IL1RAPL2: variants seen among roughly 807,000 people sequenced by gnomAD.
IL1RAPL2 encodes the protein interleukin 1 receptor accessory protein like 2, also known as X-linked interleukin-1 receptor accessory protein-like 2.
Under a neutral mutation model 44.1 loss-of-function variants are expected in IL1RAPL2, and 3 were observed. That is an observed-to-expected ratio of 0.07 (90% confidence interval 0.03 to 0.18). IL1RAPL2 has a LOEUF of 0.18. IL1RAPL2 is among the 10% of genes least tolerant of loss of function. The pLI is 1.00. For synonymous variants in IL1RAPL2, 181 were observed against 178.8 expected (o/e 1.01, Z -0.10); for missense variants, 391 against 496.4 (o/e 0.79, Z 2.02).
At chrX:104,716,024 G>A (rs1372567874) in intron 2 of IL1RAPL2, among the ~76,000 whole-genome samples, 1 of 111,211 alleles carries the variant, frequency 9.0e-6, no homozygotes, top group Non-Finnish European at 1.9e-5. Context: ...CACACTAGCC[G>A]ACTTCAAACT....
At chrX:104,761,570 A>G (rs1932428227) in intron 2 of IL1RAPL2, among the ~76,000 whole-genome samples, 1 of 111,207 alleles carries the variant, frequency 9.0e-6, no homozygotes, top group Non-Finnish European at 1.9e-5. Context: ...CCAAAGTCTT[A>G]ACTCATTCCA....
At chrX:104,613,152 G>C (rs745847917) in intron 1 of IL1RAPL2, among the ~76,000 whole-genome samples, 1 of 111,736 alleles carries the variant, frequency 8.9e-6, no homozygotes, top group Non-Finnish European at 1.9e-5. Flanking sequence ...TTCCAAGCTG[G>C]ATGTCTTTTA....
At chrX:104,620,462 A>C (rs960160948) in intron 1 of IL1RAPL2, among the ~76,000 whole-genome samples, 1 of 107,020 alleles carries the variant, frequency 9.3e-6, no homozygotes, top group Non-Finnish European at 1.9e-5. Context: ...ACATGGTGAA[A>C]ACCCGTCTCT....
At chrX:105,148,322 C>T (rs772398079) in intron 2 of IL1RAPL2, among the ~76,000 whole-genome samples, 59 of 111,258 alleles carry the variant, frequency 5.3e-4, no homozygotes, top group African/African-American at 1.9e-3. Context: ...AGTGTAATGT[C>T]GTAACTTTCA....
At chrX:105,309,496 C>T (rs1429652990) in intron 5 of IL1RAPL2, among the ~76,000 whole-genome samples, 1 of 108,114 alleles carries the variant, frequency 9.2e-6, no homozygotes, top group Non-Finnish European at 1.9e-5. Flanking sequence ...CTTTGGGAGG[C>T]CAAGGTGGGC....
At chrX:105,314,016 A>G (rs2034817987) in intron 5 of IL1RAPL2, among the ~76,000 whole-genome samples, 1 of 112,194 alleles carries the variant, frequency 8.9e-6, no homozygotes, top group Non-Finnish European at 1.9e-5. Context: ...CAAGTAAATT[A>G]TAATCAAAAT....
At chrX:104,892,179 C>A (rs1163043057) in intron 2 of IL1RAPL2, among the ~76,000 whole-genome samples, 1 of 111,586 alleles carries the variant, frequency 9.0e-6, no homozygotes, top group Non-Finnish European at 1.9e-5. Flanking sequence ...TTTTGATGTG[C>A]TGCTGGATTC....
At chrX:104,862,717 AT>A (rs1292178007) in intron 2 of IL1RAPL2, among the ~76,000 whole-genome samples, 1 of 112,210 alleles carries the variant, frequency 8.9e-6, no homozygotes, top group Non-Finnish European at 1.9e-5. Flanking sequence ...TCCAAACTTT[AT>A]AAATGTTACC....
intron 2 of IL1RAPL2, among the ~76,000 whole-genome samples, chrX:104,736,094 T>C (rs1029895483): frequency 6.3e-5 from 7 of 111,246 alleles, no homozygotes; most frequent in Non-Finnish European, 1.3e-4. Context: ...TGCCCTAACT[T>C]CTCTTCCACA....
chrX:105,370,119 C>T (rs1194714494), intron 5 of IL1RAPL2, among the ~76,000 whole-genome samples: 2 of 112,067 alleles, frequency 1.8e-5, no homozygotes, highest in Non-Finnish European at 3.8e-5. Context: ...TCCCTATTTT[C>T]TTACACCTTG....
chrX:104,666,529 G>A (rs1191776084), intron 2 of IL1RAPL2, among the ~76,000 whole-genome samples: 1 of 111,917 alleles, frequency 8.9e-6, no homozygotes, highest in African/African-American at 3.2e-5. Flanking sequence ...TATTAATTTT[G>A]ATATTGGGAT....
Position 105,365,940 on chromosome X carries a change from C to A in IL1RAPL2, c.697+98399C>A, listed in dbSNP as rs567017293. On this transcript the variant is annotated intron_variant, in intron 5 of 10. Coordinates refer to ENST00000372582, the MANE Select transcript of IL1RAPL2 (RefSeq NM_017416.2). ...TACAGGTGCACACCACCAGACCTGG[C>A]TAATTTCTTTCTTTTTTTTTTTTTG... is the stretch of plus-strand genomic sequence containing the variant. Among the ~76,000 whole-genome samples the A allele has an allele frequency of 4.1e-4, 44 of 107,528 alleles. 1 individual carries two copies. In the South Asian group the frequency reaches 0.017, roughly 42 times the overall value. 93.4% of individuals were successfully genotyped at this position (107,528 alleles called of 115,157 possible).
chrX:104,915,596 G>T (rs1353480784), intron 2 of IL1RAPL2, among the ~76,000 whole-genome samples: 1 of 109,993 alleles, frequency 9.1e-6, no homozygotes, highest in African/African-American at 3.3e-5. Context: ...GTCAATTTTG[G>T]CTTTTGTTGC....
At chrX:104,698,741 T>A (rs12014379) in intron 2 of IL1RAPL2, among the ~76,000 whole-genome samples, 6,067 of 111,524 alleles carry the variant, frequency 0.054, 441 homozygotes, top group African/African-American at 0.19. Context: ...CACCTGTTTT[T>A]AATTAGATTA....
chrX:104,709,447 G>A (rs1458430415), intron 2 of IL1RAPL2, among the ~76,000 whole-genome samples: 1 of 110,304 alleles, frequency 9.1e-6, no homozygotes, highest in Non-Finnish European at 1.9e-5. Flanking sequence ...ATACTGACGA[G>A]TACTTTCTAT....
At chrX:105,238,400 C>T (rs2034140212) in intron 4 of IL1RAPL2, among the ~76,000 whole-genome samples, 1 of 111,758 alleles carries the variant, frequency 8.9e-6, no homozygotes, top group Non-Finnish European at 1.9e-5. Flanking sequence ...TCATTGATGT[C>T]ACTATCACCA....
chrX:105,510,440 T>C (rs1173980893), intron 6 of IL1RAPL2, among the ~76,000 whole-genome samples: 1 of 111,225 alleles, frequency 9.0e-6, no homozygotes, highest in Non-Finnish European at 1.9e-5. Context: ...TGAGTTTTGG[T>C]AATGTGTGTG....
intron 10 of IL1RAPL2, among the ~76,000 whole-genome samples, chrX:105,758,804 C>CCAA (rs1421028957): frequency 2.7e-5 from 3 of 112,110 alleles, no homozygotes; most frequent in Non-Finnish European, 5.6e-5. Flanking sequence ...AACTTTGTTG[C>CCAA]CAACAGGCAT....
intron 2 of IL1RAPL2, among the ~76,000 whole-genome samples, chrX:104,956,618 CAG>C (rs926485189): frequency 1.8e-5 from 2 of 110,394 alleles, no homozygotes; most frequent in African/African-American, 6.6e-5. Context: ...GCCTGGGCGA[CAG>C]AGTGAGACTC....
Sources: allele counts gnomAD v4.1 joint callset (sites outside exome capture counted in the v4.1 genomes callset), GRCh38; gene constraint gnomAD v4.1.1; transcripts MANE v1.5; gene names NCBI Gene and HGNC (gene_info 2026-07-23, HGNC 2026-07-21).